SGCZ: variants seen among roughly 807,000 people sequenced by gnomAD.
SGCZ encodes the protein zeta-sarcoglycan.
SGCZ carries 40 observed loss-of-function variants against 41.3 expected under a neutral mutation model. That is an observed-to-expected ratio of 0.97 (90% CI 0.75 to 1.26). The LOEUF (loss-of-function observed/expected upper bound fraction) is 1.26, where lower values mean the gene tolerates loss of function less well. Ranked by LOEUF, SGCZ falls within the 50% of genes most tolerant of loss-of-function variation. The pLI is 0.00. For missense variants in SGCZ, 552 were observed against 369.8 expected, an observed-to-expected ratio of 1.49 and a Z score of -4.04; for synonymous variants, 206 against 137.5, an observed-to-expected ratio of 1.50 and a Z score of -3.49.
At chr8:14,738,700 T>A (rs1003848817) in intron 1 of SGCZ, among the ~76,000 whole-genome samples, 10 of 151,946 alleles carry the variant, frequency 6.6e-5, no homozygotes, top group Non-Finnish European at 1.3e-4. Context: ...TTCAGAGGAG[T>A]CATGGTATCC....
chr8:14,172,300 T>C (rs1423403381), intron 4 of SGCZ, among the ~76,000 whole-genome samples: 1 of 152,262 alleles, frequency 6.6e-6, no homozygotes, highest in East Asian at 1.9e-4. Flanking sequence ...ACACAGTCTT[T>C]CAAGATTGTG....
At chr8:15,090,782 TG>T (rs1338421277) in intron 1 of SGCZ, among the ~76,000 whole-genome samples, 1 of 152,192 alleles carries the variant, frequency 6.6e-6, no homozygotes, top group African/African-American at 2.4e-5. Context: ...TTATCATTTT[TG>T]TTTTCATGCC....
At chr8:14,672,771 G>T (rs932949884) in intron 1 of SGCZ, among the ~76,000 whole-genome samples, 3 of 152,038 alleles carry the variant, frequency 2.0e-5, no homozygotes, top group Non-Finnish European at 2.9e-5. Context: ...ACTTCATTCT[G>T]CTGTCTCTCC....
chr8:14,909,771 C>A (rs1168418847), intron 1 of SGCZ, among the ~76,000 whole-genome samples: 1 of 152,134 alleles, frequency 6.6e-6, no homozygotes, highest in Admixed American at 6.5e-5. Flanking sequence ...ATACCTCATT[C>A]TCTTCAAAGC....
At chr8:15,019,387 T>G (rs137946958) in intron 1 of SGCZ, among the ~76,000 whole-genome samples, 4 of 152,284 alleles carry the variant, frequency 2.6e-5, no homozygotes, top group African/African-American at 9.6e-5. Context: ...GAGTGGAAGT[T>G]AGAGCTGCTT....
chr8:15,182,385 A>T (rs1473900091), intron 1 of SGCZ, among the ~76,000 whole-genome samples: 1 of 152,210 alleles, frequency 6.6e-6, no homozygotes, highest in Non-Finnish European at 1.5e-5. Flanking sequence ...AACATAGGGT[A>T]TACTTAAGCA....
intron 1 of SGCZ, among the ~76,000 whole-genome samples, chr8:14,557,643 G>A (rs907400211): frequency 6.6e-6 from 1 of 151,880 alleles, no homozygotes; most frequent in African/African-American, 2.4e-5. Context: ...TCCTACACAT[G>A]GCTTGCCAAT....
At position 14,711,866 on chromosome 8, in the gene SGCZ, G is replaced by A. The variant is rs550132390; in HGVS notation, c.40-156940C>T. ...TGTTTGTTTGCTTGTTTGGTTTTTC[G>A]CTTAATTGAAAGCCAATATACTGAG... On this transcript the variant is annotated intron_variant, in intron 1 of 7. Transcript: ENST00000382080. Among the ~76,000 whole-genome samples the A allele has an allele frequency of 7.6e-4, 115 of 152,062 alleles. 2 individuals carry two copies. Among genetic ancestry groups the A allele is most frequent in the Non-Finnish European group, 1.3e-3 (90 of 68,012 alleles).
intron 2 of SGCZ, among the ~76,000 whole-genome samples, chr8:14,517,280 C>G (rs1016434612): frequency 6.6e-6 from 1 of 151,992 alleles, no homozygotes; most frequent in Non-Finnish European, 1.5e-5. Flanking sequence ...GGACTTAAAA[C>G]TAAACTTGGG....
At chr8:14,889,939 C>A (rs1053215498) in intron 1 of SGCZ, among the ~76,000 whole-genome samples, 3 of 152,086 alleles carry the variant, frequency 2.0e-5, no homozygotes, top group Non-Finnish European at 2.9e-5. Flanking sequence ...TGAGGAAGAC[C>A]TGTTGAAAGC....
chr8:15,076,373 A>T (rs934829724), intron 1 of SGCZ, among the ~76,000 whole-genome samples: 6 of 152,152 alleles, frequency 3.9e-5, no homozygotes, highest in African/African-American at 1.4e-4. Context: ...CAAGAGAAGG[A>T]TGGGAGAGAG....
chr8:14,517,346 G>A (rs1396648636), intron 2 of SGCZ, among the ~76,000 whole-genome samples: 1 of 152,040 alleles, frequency 6.6e-6, no homozygotes, highest in South Asian at 2.1e-4. Context: ...TTTCATTTTA[G>A]TGCAGCAAAC....
chr8:14,903,309 A>G (rs1237082753), intron 1 of SGCZ, among the ~76,000 whole-genome samples: 1 of 152,202 alleles, frequency 6.6e-6, no homozygotes, highest in Admixed American at 6.5e-5. Flanking sequence ...TACTAAATAC[A>G]GATGCAGCAG....
At chr8:14,996,227 T>C (rs1802213169) in intron 1 of SGCZ, among the ~76,000 whole-genome samples, 1 of 152,082 alleles carries the variant, frequency 6.6e-6, no homozygotes, top group Admixed American at 6.6e-5. Context: ...ATGTCAATGG[T>C]CATTACTGAG....
At chr8:14,720,517 T>C (rs1360655483) in intron 1 of SGCZ, among the ~76,000 whole-genome samples, 1 of 151,966 alleles carries the variant, frequency 6.6e-6, no homozygotes, top group Non-Finnish European at 1.5e-5. Flanking sequence ...TAACCTAAGG[T>C]TCCACTGGAT....
intron 1 of SGCZ, among the ~76,000 whole-genome samples, chr8:14,895,150 G>A (rs558288051): frequency 1.5e-4 from 23 of 152,186 alleles, no homozygotes; most frequent in South Asian, 6.2e-4. Context: ...ACAATTAATC[G>A]TTTAGTAAGT....
At chr8:14,761,932 TAG>T (rs1799893830) in intron 1 of SGCZ, among the ~76,000 whole-genome samples, 1 of 152,134 alleles carries the variant, frequency 6.6e-6, no homozygotes, top group Non-Finnish European at 1.5e-5. Context: ...TCCAAGTGCG[TAG>T]AGTCAGAACT....
chr8:14,899,455 A>C (rs1798888099), intron 1 of SGCZ, among the ~76,000 whole-genome samples: 1 of 152,208 alleles, frequency 6.6e-6, no homozygotes, highest in Admixed American at 6.5e-5. Context: ...GAAGCACAGA[A>C]TGTGATTTAG....
intron 1 of SGCZ, among the ~76,000 whole-genome samples, chr8:14,803,970 C>T (rs190599148): frequency 8.2e-6 from 1 of 122,156 alleles, no homozygotes; most frequent in Admixed American, 8.6e-5. Context: ...CATGGGCACA[C>T]TGACACCTCA....
Sources: gnomAD v4.1 joint callset for allele counts (sites outside exome capture counted in the v4.1 genomes callset) on GRCh38, gnomAD v4.1.1 for gene constraint, MANE v1.5 for transcripts, NCBI Gene and HGNC (gene_info 2026-07-23, HGNC 2026-07-21) for gene names.